Variants in GRID2 observed in about 807,000 individuals in gnomAD.
GRID2 encodes glutamate ionotropic receptor delta type subunit 2.
GRID2 carries 33 observed loss-of-function variants against 114.8 expected under a neutral mutation model. The observed-to-expected ratio is 0.29, with a 90% CI of 0.22 to 0.38. The LOEUF is 0.38. GRID2 is among the 10% of genes least tolerant of loss of function. The pLI is 1.00. For synonymous variants in GRID2, 505 were observed against 449.9 expected, an observed-to-expected ratio of 1.12 and a Z score of -1.55; for missense variants, 1,184 against 1,257.7, an observed-to-expected ratio of 0.94 and a Z score of 0.89.
chr4:92,858,892 T>G (rs1744345969), intron 2 of GRID2, among the ~76,000 whole-genome samples: 1 of 152,184 alleles, frequency 6.6e-6, no homozygotes, highest in Non-Finnish European at 1.5e-5. Context: ...ATAAGAGGTT[T>G]TAAGTTTCCA....
At chr4:93,406,959 T>G (rs929985087) in intron 9 of GRID2, among the ~76,000 whole-genome samples, 5 of 152,160 alleles carry the variant, frequency 3.3e-5, no homozygotes, top group African/African-American at 1.2e-4. Flanking sequence ...GAAATCTTCC[T>G]TCTCAGTAGA....
At chr4:93,216,308 G>T (rs143249826) in intron 5 of GRID2, among the ~76,000 whole-genome samples, 1 of 151,762 alleles carries the variant, frequency 6.6e-6, no homozygotes, top group African/African-American at 2.4e-5. Flanking sequence ...GTATGCATGC[G>T]TATGTGCGTG....
chr4:92,588,838 C>T (rs1284893748), intron 1 of GRID2, among the ~76,000 whole-genome samples: 3 of 152,066 alleles, frequency 2.0e-5, no homozygotes, highest in Non-Finnish European at 4.4e-5. Context: ...CACAGCGGCT[C>T]ACTCCTTTAA....
At chr4:93,186,197 C>T (rs758106726) in intron 4 of GRID2, among the ~76,000 whole-genome samples, 6 of 152,026 alleles carry the variant, frequency 3.9e-5, no homozygotes, top group African/African-American at 7.2e-5. Context: ...TGAATAGTGC[C>T]GCAATAAACA....
intron 2 of GRID2, among the ~76,000 whole-genome samples, chr4:92,985,767 C>T (rs1754480958): frequency 1.3e-5 from 2 of 152,188 alleles, no homozygotes; most frequent in Admixed American, 1.3e-4. Context: ...AAATATTCCG[C>T]TTATGATTGA....
intron 2 of GRID2, among the ~76,000 whole-genome samples, chr4:92,708,744 T>C (rs1036567082): frequency 6.6e-6 from 1 of 152,178 alleles, no homozygotes; most frequent in Non-Finnish European, 1.5e-5. Context: ...CAGACTAACA[T>C]GGTGAAATCC....
intron 13 of GRID2, among the ~76,000 whole-genome samples, chr4:93,586,457 T>G (rs368369064): frequency 2.0e-4 from 30 of 152,138 alleles, no homozygotes; most frequent in East Asian, 9.6e-4. Flanking sequence ...AATCCTTAAA[T>G]AGCTTGCCCT....
chr4:93,158,061 T>A (rs573418250), intron 4 of GRID2, among the ~76,000 whole-genome samples: 4 of 151,982 alleles, frequency 2.6e-5, no homozygotes, highest in Admixed American at 2.6e-4. Flanking sequence ...AGTCATCCTC[T>A]ATTACACAAC....
chr4:93,541,186 A>G (rs905054521), intron 13 of GRID2, among the ~76,000 whole-genome samples: 4 of 152,200 alleles, frequency 2.6e-5, no homozygotes, highest in Non-Finnish European at 4.4e-5. Flanking sequence ...ATGAAATCTA[A>G]GAGACATTTT....
At chr4:93,384,723 T>A (rs1412216195) in intron 8 of GRID2, among the ~76,000 whole-genome samples, 1 of 152,196 alleles carries the variant, frequency 6.6e-6, no homozygotes, top group East Asian at 1.9e-4. Context: ...ATCCACTAGA[T>A]TGTTTCTTGC....
At chr4:92,654,070 G>C (rs370037669) in intron 2 of GRID2, among the ~76,000 whole-genome samples, 3 of 151,996 alleles carry the variant, frequency 2.0e-5, no homozygotes, top group African/African-American at 7.2e-5. Flanking sequence ...TACTCCAAAG[G>C]GTAAATGCTG....
At chr4:92,629,066 A>T (rs1719857000) in intron 2 of GRID2, among the ~76,000 whole-genome samples, 2 of 151,948 alleles carry the variant, frequency 1.3e-5, no homozygotes, top group African/African-American at 4.8e-5. Context: ...GGCTCACTAG[A>T]TACAGTTAAT....
chr4:92,652,758 A>G (rs973149465), intron 2 of GRID2, among the ~76,000 whole-genome samples: 3 of 142,628 alleles, frequency 2.1e-5, no homozygotes, highest in Admixed American at 1.4e-4. Context: ...GGGGTGGATC[A>G]CAAGATCAGG....
At chr4:93,781,321 C>T (rs887305621) in intron 1 of GRID2, among the ~76,000 whole-genome samples, 4 of 151,800 alleles carry the variant, frequency 2.6e-5, no homozygotes, top group African/African-American at 9.7e-5. Context: ...TATGGGGATG[C>T]CACTGGGCTG....
At chr4:92,334,661 A>G (rs1472322805) in intron 1 of GRID2, among the ~76,000 whole-genome samples, 3 of 152,146 alleles carry the variant, frequency 2.0e-5, no homozygotes, top group African/African-American at 7.2e-5. Flanking sequence ...CCCACAAGGT[A>G]GAGCTCTCGT....
intron 13 of GRID2, among the ~76,000 whole-genome samples, chr4:93,553,029 T>C (rs568828366): frequency 6.6e-6 from 1 of 152,294 alleles, no homozygotes; most frequent in Admixed American, 6.5e-5. Context: ...ATCCAGTCTA[T>C]TATTGATGGA....
intron 2 of GRID2, among the ~76,000 whole-genome samples, chr4:92,651,634 A>T (rs1415047876): frequency 2.0e-5 from 3 of 151,944 alleles, no homozygotes; most frequent in African/African-American, 7.2e-5. Context: ...TTTGTCACCA[A>T]TTTTCCAATC....
rs191186033 is a variant in GRID2 at position 92,814,344 on chromosome 4, A to G, written c.244+224058A>G. ...GATTAGCTAGTAATAACTAAAGAGGAGTCTAAAGAATATAGTAATAATAAT... is the reference window on the plus strand; with the variant it reads ...GATTAGCTAGTAATAACTAAAGAGGGGTCTAAAGAATATAGTAATAATAAT... On this transcript the variant is annotated intron_variant, in intron 2 of 15. Transcript: ENST00000282020. 1.6e-4 allele frequency among the ~76,000 whole-genome samples: 25 copies of G among 152,320 alleles called. 1 individual carries two copies. Among genetic ancestry groups the G allele is most frequent in the African/African-American group, 5.8e-4 (24 of 41,582 alleles).
rs537232487 is a variant in GRID2, at chr4:92,430,666, G to A, written c.88+125922G>A. Among the ~76,000 whole-genome samples the A allele has an allele frequency of 2.0e-5, 3 of 152,162 alleles. No individual in the cohort carries two copies. In the South Asian group the frequency reaches 6.2e-4, roughly 32 times the overall value. On this transcript the variant is annotated intron_variant, in intron 1 of 15. Coordinates refer to ENST00000282020, the MANE Select transcript of GRID2 (RefSeq NM_001510.4). ...TGAATGTCATTGGTATATTGATAGG[G>A]ATTGCATTGAATATATGGATTAGTT...
Sources: gnomAD v4.1 joint callset for allele counts (sites outside exome capture counted in the v4.1 genomes callset) on GRCh38, gnomAD v4.1.1 for gene constraint, MANE v1.5 for transcripts, NCBI Gene and HGNC (gene_info 2026-07-23, HGNC 2026-07-21) for gene names.